FGF12: variants seen among roughly 807,000 people sequenced by gnomAD.
FGF12 encodes fibroblast growth factor 12B.
In FGF12, 14 loss-of-function variants were observed where a neutral mutation model predicts 23.6. That is an observed-to-expected ratio of 0.59 (90% confidence interval 0.39 to 0.93). FGF12 has a LOEUF of 0.93. Among genes scored for constraint, FGF12 ranks in the 40% least tolerant of loss-of-function variants. The probability of loss-of-function intolerance (pLI) is 0.00; values close to 1 mark genes in which losing one functional copy is unlikely to be tolerated. For missense variants in FGF12, 175 were observed against 217.8 expected, an observed-to-expected ratio of 0.80 and a Z score of 1.24; for synonymous variants, 62 against 77.3, an observed-to-expected ratio of 0.80 and a Z score of 1.04.
chr3:192,669,955 T>C (rs1001811393), intron 2 of FGF12, among the ~76,000 whole-genome samples: 11 of 152,230 alleles, frequency 7.2e-5, no homozygotes, highest in Non-Finnish European at 1.5e-5. Context: ...TTAATTGATA[T>C]GACTTTGAAT....
chr3:192,385,340 A>G (rs1214965211), intron 2 of FGF12, among the ~76,000 whole-genome samples: 1 of 147,152 alleles, frequency 6.8e-6, no homozygotes, highest in Non-Finnish European at 1.6e-5. Context: ...GGTAGGTAGT[A>G]TTCAAACTCA....
At chr3:192,428,717 C>A (rs1422314438) in intron 2 of FGF12, among the ~76,000 whole-genome samples, 1 of 152,048 alleles carries the variant, frequency 6.6e-6, no homozygotes, top group Admixed American at 6.6e-5. Flanking sequence ...AGAAAAAAAA[C>A]CTGTATATTT....
intron 2 of FGF12, among the ~76,000 whole-genome samples, chr3:192,594,270 C>T (rs9825124): frequency 0.11 from 15,997 of 151,788 alleles, 2,480 homozygotes; most frequent in African/African-American, 0.34. Flanking sequence ...ATGGTTTTAC[C>T]TGGTTTGCAA....
At chr3:192,564,419 AG>A in intron 2 of FGF12, among the ~76,000 whole-genome samples, 1 of 152,228 alleles carries the variant, frequency 6.6e-6, no homozygotes, top group East Asian at 1.9e-4. Flanking sequence ...CACTTACCTC[AG>A]GGATTACATT....
intron 2 of FGF12, among the ~76,000 whole-genome samples, chr3:192,403,373 T>C (rs1286323182): frequency 6.6e-6 from 1 of 152,192 alleles, no homozygotes; most frequent in Non-Finnish European, 1.5e-5. Context: ...GAGATCTCTG[T>C]GGGATGAAAG....
At chr3:192,727,144 T>A (rs1719245448) in intron 2 of FGF12, 37 bp downstream of exon 2, 1 of 1,567,786 alleles carries the variant, frequency 6.4e-7, no homozygotes, top group African/African-American at 1.4e-5. Context: ...CACACGCACA[T>A]GCAGCGGGAA....
intron 4 of FGF12, among the ~76,000 whole-genome samples, chr3:192,312,273 C>T (rs1182598408): frequency 2.6e-5 from 4 of 152,082 alleles, no homozygotes; most frequent in Non-Finnish European, 5.9e-5. Flanking sequence ...ATGCTTTCTT[C>T]CATGAGTTTT....
intron 5 of FGF12, among the ~76,000 whole-genome samples, chr3:192,154,627 G>A (rs555954180): frequency 6.7e-6 from 1 of 150,132 alleles, no homozygotes; most frequent in Admixed American, 6.7e-5. Flanking sequence ...AGGCTGCTCG[G>A]GGGTCAGGGG....
At chr3:192,373,449 G>A (rs1354232925) in intron 2 of FGF12, among the ~76,000 whole-genome samples, 2 of 151,874 alleles carry the variant, frequency 1.3e-5, no homozygotes, top group African/African-American at 4.8e-5. Context: ...TAATAAGTTA[G>A]AATTAAAAAT....
chr3:192,338,570 T>C (rs114941677), intron 3 of FGF12, among the ~76,000 whole-genome samples: 2,053 of 152,122 alleles, frequency 0.013, 16 homozygotes, highest in Non-Finnish European at 0.021. Context: ...CCTATTGCTG[T>C]TTGAATGGGG....
chr3:192,341,267 T>C (rs936067289), intron 3 of FGF12, among the ~76,000 whole-genome samples: 3 of 152,070 alleles, frequency 2.0e-5, no homozygotes, highest in Non-Finnish European at 4.4e-5. Context: ...AAATAAACAC[T>C]TCCAAGTTAT....
At chr3:192,707,615 A>G (rs916080734) in intron 2 of FGF12, among the ~76,000 whole-genome samples, 1 of 151,846 alleles carries the variant, frequency 6.6e-6, no homozygotes, top group Non-Finnish European at 1.5e-5. Context: ...GTGTGGTGGC[A>G]GGTGCCTGTA....
chr3:192,571,944 T>G (rs957858703), intron 2 of FGF12, among the ~76,000 whole-genome samples: 5 of 20,474 alleles, frequency 2.4e-4, no homozygotes, highest in African/African-American at 2.0e-3. Flanking sequence ...CTATTGCTGT[T>G]TTTTTTTTTT....
chr3:192,666,917 TGATAGATA>T (rs56278131), intron 2 of FGF12, among the ~76,000 whole-genome samples: 9,643 of 147,574 alleles, frequency 0.065, 647 homozygotes, highest in African/African-American at 0.16. Flanking sequence ...GATAGATAGA[TGATAGATA>T]GATAGATAGA....
At chr3:192,219,305 G>A (rs1229328168) in intron 4 of FGF12, among the ~76,000 whole-genome samples, 3 of 151,910 alleles carry the variant, frequency 2.0e-5, no homozygotes, top group East Asian at 1.9e-4. Context: ...GGCTGGTCTC[G>A]AACTCCTGAC....
chr3:192,355,367 CAGAT>C (rs1471887235), intron 3 of FGF12, among the ~76,000 whole-genome samples: 3 of 152,162 alleles, frequency 2.0e-5, no homozygotes, highest in African/African-American at 4.8e-5. Context: ...TAGATAAAGA[CAGAT>C]GGATGGATGG....
chr3:192,467,385 T>C (rs1241641126), intron 2 of FGF12, among the ~76,000 whole-genome samples: 1 of 152,192 alleles, frequency 6.6e-6, no homozygotes, highest in Non-Finnish European at 1.5e-5. Flanking sequence ...TGTAAATTCC[T>C]GAATCTGTTT....
intron 4 of FGF12, among the ~76,000 whole-genome samples, chr3:192,304,680 G>C (rs888158622): frequency 1.3e-5 from 2 of 152,110 alleles, no homozygotes; most frequent in African/African-American, 2.4e-5. Flanking sequence ...ATACAGTTAA[G>C]AACAGGTCAC....
At chr3:192,378,052 T>TC (rs1719624407) in intron 2 of FGF12, among the ~76,000 whole-genome samples, 3 of 104,848 alleles carry the variant, frequency 2.9e-5, no homozygotes, top group African/African-American at 1.7e-4. Flanking sequence ...CTTTCTTTCT[T>TC]TCTTTCTTTC....
Sources: allele counts gnomAD v4.1 joint callset (sites outside exome capture counted in the v4.1 genomes callset), GRCh38; gene constraint gnomAD v4.1.1; transcripts MANE v1.5; gene names NCBI Gene and HGNC (gene_info 2026-07-23, HGNC 2026-07-21).